Variants in SIPA1L1 observed in about 807,000 individuals in gnomAD.
The protein encoded by SIPA1L1 is signal induced proliferation associated 1 like 1, also known as signal-induced proliferation-associated 1-like protein 1.
SIPA1L1 carries 26 observed loss-of-function variants against 162.7 expected under a neutral mutation model. That is an observed-to-expected ratio of 0.16 (90% confidence interval 0.12 to 0.22). The LOEUF (loss-of-function observed/expected upper bound fraction) is 0.22. Ranked by LOEUF, SIPA1L1 falls within the 10% of genes least tolerant of loss-of-function variation. The pLI is 1.00. For synonymous variants in SIPA1L1, 829 were observed against 837.4 expected (o/e 0.99, Z 0.17); for missense variants, 1,874 against 2,241.0 (o/e 0.84, Z 3.31).
chr14:71,673,573 A>T (rs1243625260), intron 12 of SIPA1L1, among the ~76,000 whole-genome samples: 1 of 152,164 alleles, frequency 6.6e-6, no homozygotes, highest in Non-Finnish European at 1.5e-5. Context: ...TAAAAAGTAA[A>T]GAGCAGCAAA....
chr14:71,476,166 G>A (rs1156965667), intron 2 of SIPA1L1, among the ~76,000 whole-genome samples: 1 of 152,210 alleles, frequency 6.6e-6, no homozygotes, highest in African/African-American at 2.4e-5. Flanking sequence ...CAAACTGTAT[G>A]TGTATTGGGT....
intron 2 of SIPA1L1, among the ~76,000 whole-genome samples, chr14:71,462,834 T>C (rs914314775): frequency 1.3e-5 from 2 of 152,254 alleles, no homozygotes; most frequent in Admixed American, 1.3e-4. Flanking sequence ...AGAGTTGATA[T>C]ACCTCTGAGG....
intron 2 of SIPA1L1, among the ~76,000 whole-genome samples, chr14:71,401,202 C>T (rs1160513236): frequency 6.6e-6 from 1 of 152,100 alleles, no homozygotes. Flanking sequence ...CTCAAATGCC[C>T]GAAGAGTCAC....
intron 1 of SIPA1L1, among the ~76,000 whole-genome samples, 168 bp from the exon 2 acceptor site, chr14:71,320,954 C>T (rs1009535016): frequency 1.3e-5 from 2 of 152,128 alleles, no homozygotes; most frequent in African/African-American, 4.8e-5. Flanking sequence ...TATTCCGGGT[C>T]CCCCTCGGAG....
At chr14:71,330,462 A>G (rs1566895174) in intron 2 of SIPA1L1, 1 of 1,604,052 alleles carries the variant, frequency 6.2e-7, no homozygotes, top group Admixed American at 1.7e-5. Context: ...GGAAATCCAC[A>G]TCATTCACAG....
chr14:71,358,726 G>A (rs1375387480), intron 2 of SIPA1L1, among the ~76,000 whole-genome samples: 1 of 152,178 alleles, frequency 6.6e-6, no homozygotes, highest in Non-Finnish European at 1.5e-5. Context: ...CGGTTCCACA[G>A]GCTGTACAGG....
At chr14:71,324,493 A>G (rs1366181756) in intron 2 of SIPA1L1, among the ~76,000 whole-genome samples, 10 of 152,226 alleles carry the variant, frequency 6.6e-5, no homozygotes, top group Admixed American at 5.9e-4. Context: ...AGGAGATGCA[A>G]AACTTAAGGA....
chr14:71,325,089 A>C (rs1281321482), intron 2 of SIPA1L1, among the ~76,000 whole-genome samples: 1 of 152,192 alleles, frequency 6.6e-6, no homozygotes, highest in Non-Finnish European at 1.5e-5. Flanking sequence ...GCCATTGCTC[A>C]CACAGAAGTT....
At chr14:71,383,129 A>G (rs952731539) in intron 2 of SIPA1L1, among the ~76,000 whole-genome samples, 6 of 152,204 alleles carry the variant, frequency 3.9e-5, no homozygotes, top group African/African-American at 9.7e-5. Context: ...TAATAATGCT[A>G]GTGTTTATTG....
intron 4 of SIPA1L1, among the ~76,000 whole-genome samples, chr14:71,532,992 A>G (rs1189024842): frequency 6.6e-6 from 1 of 152,192 alleles, no homozygotes; most frequent in Non-Finnish European, 1.5e-5. Flanking sequence ...GAAATCCTGG[A>G]AACATATTGT....
chr14:71,335,072 G>A (rs1003553369), intron 2 of SIPA1L1, among the ~76,000 whole-genome samples: 4 of 152,160 alleles, frequency 2.6e-5, no homozygotes, highest in East Asian at 3.8e-4. Flanking sequence ...AGGCTGAGGC[G>A]GGCGGATCAC....
intron 5 of SIPA1L1, among the ~76,000 whole-genome samples, chr14:71,603,941 C>CTATATATATT (rs1555474527): frequency 4.3e-5 from 6 of 138,064 alleles, no homozygotes; most frequent in Admixed American, 7.4e-5. Context: ...ATTTATATAT[C>CTATATATATT]TATATATATT....
At chr14:71,442,028 G>A (rs1296599087) in intron 2 of SIPA1L1, among the ~76,000 whole-genome samples, 1 of 151,456 alleles carries the variant, frequency 6.6e-6, no homozygotes, top group Non-Finnish European at 1.5e-5. Context: ...AAAAAATTAG[G>A]TAGGCATGGT....
chr14:71,384,530 C>T (rs578211580), intron 2 of SIPA1L1, among the ~76,000 whole-genome samples: 214 of 152,252 alleles, frequency 1.4e-3, no homozygotes, highest in Non-Finnish European at 2.6e-3. Flanking sequence ...CCAATAGAGC[C>T]TTTTATGGCA....
chr14:71,400,963 G>T (rs1346801950), intron 2 of SIPA1L1: 1 of 152,136 alleles, frequency 6.6e-6, no homozygotes, highest in East Asian at 1.9e-4. Flanking sequence ...TGAAATTTAT[G>T]TACCTCCCAT....
At chr14:71,717,412 A>C (rs535404468) in intron 17 of SIPA1L1, among the ~76,000 whole-genome samples, 1 of 152,354 alleles carries the variant, frequency 6.6e-6, no homozygotes, top group Non-Finnish European at 1.5e-5. Flanking sequence ...ATACTCAGTT[A>C]AACTCACTTC....
intron 2 of SIPA1L1, among the ~76,000 whole-genome samples, chr14:71,368,142 C>CTTTTTTTTTTTTTTTTTTTTTTT (rs755238643): frequency 3.5e-5 from 4 of 115,182 alleles, no homozygotes; most frequent in Non-Finnish European, 5.5e-5. Flanking sequence ...TTGTGGTATT[C>CTTTTTTTTTTTTTTTTTTTTTTT]TTTTTTTTTT....
chr14:71,399,258 G>C (rs1358265130), intron 2 of SIPA1L1, among the ~76,000 whole-genome samples: 2 of 152,212 alleles, frequency 1.3e-5, no homozygotes, highest in South Asian at 2.1e-4. Flanking sequence ...GAGGGAGGCA[G>C]TTGATGATGT....
chr14:71,387,239 ACT>A (rs1334137024), intron 2 of SIPA1L1, among the ~76,000 whole-genome samples: 6 of 119,598 alleles, frequency 5.0e-5, no homozygotes, highest in African/African-American at 1.9e-4. Flanking sequence ...CAAGAGCGAA[ACT>A]CTGTCTCAAA....
Sources: allele counts gnomAD v4.1 joint callset (sites outside exome capture counted in the v4.1 genomes callset), GRCh38; gene constraint gnomAD v4.1.1; transcripts MANE v1.5; gene names NCBI Gene and HGNC (gene_info 2026-07-23, HGNC 2026-07-21).